The following GFRAL variants were observed in gnomAD, a reference collection of about 807,000 sequenced individuals.
The protein encoded by GFRAL is GDNF family receptor alpha-like.
In GFRAL, 36 loss-of-function variants were observed where a neutral mutation model predicts 45.4. That is an observed-to-expected ratio of 0.79 (90% confidence interval 0.61 to 1.05). The LOEUF (loss-of-function observed/expected upper bound fraction) is 1.05. GFRAL is among the 50% of genes least tolerant of loss of function. The pLI is 0.00. For synonymous variants in GFRAL, 166 were observed against 154.1 expected, an observed-to-expected ratio of 1.08 and a Z score of -0.57; for missense variants, 507 against 467.5, an observed-to-expected ratio of 1.08 and a Z score of -0.78.
intron 6 of GFRAL, among the ~76,000 whole-genome samples, chr6:55,370,026 T>C (rs1178730341): frequency 6.6e-6 from 1 of 152,226 alleles, no homozygotes; most frequent in Non-Finnish European, 1.5e-5. Flanking sequence ...ATCTGAGTGA[T>C]GTAAAGAGCA....
chr6:55,377,888 G>T (rs149292446), intron 6 of GFRAL, among the ~76,000 whole-genome samples: 72 of 152,124 alleles, frequency 4.7e-4, no homozygotes, highest in Non-Finnish European at 9.7e-4. Flanking sequence ...AAGGAGATGG[G>T]GTGTCAAGAG....
At chr6:55,395,173 A>ATAT (rs35935725) in intron 6 of GFRAL, among the ~76,000 whole-genome samples, 115 of 103,554 alleles carry the variant, frequency 1.1e-3, no homozygotes, top group Non-Finnish European at 1.4e-3. Context: ...AAAAAAAAAA[A>ATAT]AAATATATAT....
intron 6 of GFRAL, among the ~76,000 whole-genome samples, chr6:55,363,884 G>C (rs1768315682): frequency 6.6e-6 from 1 of 151,342 alleles, no homozygotes; most frequent in Non-Finnish European, 1.5e-5. Flanking sequence ...TGTGAATAAT[G>C]TCGCAATAAA....
At chr6:55,400,013 A>G (rs1768875305) in intron 8 of GFRAL, among the ~76,000 whole-genome samples, 1 of 152,182 alleles carries the variant, frequency 6.6e-6, no homozygotes, top group Non-Finnish European at 1.5e-5. Flanking sequence ...GCTGGAATGT[A>G]GTAATGCTCC....
At chr6:55,331,336 A>G (rs1376186241) in intron 1 of GFRAL, among the ~76,000 whole-genome samples, 1 of 152,198 alleles carries the variant, frequency 6.6e-6, no homozygotes, top group Non-Finnish European at 1.5e-5. Context: ...GCAAAGGAAG[A>G]GTTTCAAAAA....
chr6:55,399,167 G>T lies in GFRAL; in HGVS notation c.953-13G>T, dbSNP rs749066157. The T allele has an allele frequency of 1.4e-6, 2 of 1,414,622 alleles. No homozygotes were observed. The highest frequency in any genetic ancestry group is 2.6e-5 in the South Asian group (2 of 77,194). The allele number at this position is 1,414,622 out of a possible 1,614,324, so 87.6% of individuals were successfully genotyped here. ...GATATGTAACTAATCTCATTTTTAT[G>T]ATTTTCTTTCAGATTATCCAACCCT... On this transcript the variant is annotated splice_polypyrimidine_tract_variant and intron_variant, in intron 6 of 8. Coordinates refer to ENST00000340465, the MANE Select transcript of GFRAL (RefSeq NM_207410.2).
Position 55,359,078 on chromosome 6 carries a change from C to A in GFRAL, c.892C>A (p.Gln298Lys), listed in dbSNP as rs757702371. The A allele has an allele frequency of 7.2e-5, 116 of 1,612,572 alleles. No individual in the cohort carries two copies. The highest frequency in any genetic ancestry group is 8.9e-5 in the Non-Finnish European group (105 of 1,179,130). The change falls in exon 6 of 9, where the codon CAA (glutamine) becomes AAA (lysine). Residue 298 changes from glutamine to lysine, a missense_variant. Physicochemically the swap from Gln to Lys is moderately conservative, Grantham distance 53 (BLOSUM62 1). Coordinates refer to ENST00000340465, the MANE Select transcript of GFRAL (RefSeq NM_207410.2). ...QVQCTCRTIT[Q>K]SEESLCKIFQ... ...GCAATGTACCTGTAGGACCATTACACAAAGTGAGGAATCTTTGTGTAAGAT... is the reference window on the plus strand; with the variant it reads ...GCAATGTACCTGTAGGACCATTACAAAAAGTGAGGAATCTTTGTGTAAGAT...
chr6:55,366,229 G>C (rs1768361009), intron 6 of GFRAL, among the ~76,000 whole-genome samples: 2 of 152,016 alleles, frequency 1.3e-5, no homozygotes, highest in African/African-American at 4.8e-5. Context: ...TATTTGTGTA[G>C]AGGTGTTTGT....
At chr6:55,343,798 A>G (rs1284763096) in intron 3 of GFRAL, among the ~76,000 whole-genome samples, 1 of 152,200 alleles carries the variant, frequency 6.6e-6, no homozygotes, top group Non-Finnish European at 1.5e-5. Flanking sequence ...AATAAAGAAG[A>G]AAAAAGAGAA....
intron 8 of GFRAL, among the ~76,000 whole-genome samples, chr6:55,400,801 A>G (rs1347224698): frequency 6.6e-6 from 1 of 152,218 alleles, no homozygotes; most frequent in African/African-American, 2.4e-5. Flanking sequence ...TTTGGTTTTA[A>G]GTACTTGAGA....
At chr6:55,368,697 T>G (rs976830508) in intron 6 of GFRAL, among the ~76,000 whole-genome samples, 1 of 152,144 alleles carries the variant, frequency 6.6e-6, no homozygotes, top group Non-Finnish European at 1.5e-5. Flanking sequence ...TGGAGTACCC[T>G]GCCCTGTGAG....
intron 6 of GFRAL, among the ~76,000 whole-genome samples, chr6:55,390,339 C>CA (rs1395265765): frequency 6.6e-6 from 1 of 152,148 alleles, no homozygotes; most frequent in East Asian, 1.9e-4. Context: ...CAGTGGCATA[C>CA]AAAAACAAAG....
At chr6:55,334,819 T>C (rs1767871552) in intron 3 of GFRAL, among the ~76,000 whole-genome samples, 1 of 152,218 alleles carries the variant, frequency 6.6e-6, no homozygotes, top group African/African-American at 2.4e-5. Flanking sequence ...CAGTTTATTT[T>C]GTTTAACATA....
chr6:55,358,236 G>A (rs375336369), intron 5 of GFRAL, among the ~76,000 whole-genome samples: 6 of 151,446 alleles, frequency 4.0e-5, no homozygotes, highest in African/African-American at 9.7e-5. Flanking sequence ...AGCAATTTTC[G>A]GTGACAAACA....
At chr6:55,381,593 A>G (rs1401763948) in intron 6 of GFRAL, among the ~76,000 whole-genome samples, 1 of 151,962 alleles carries the variant, frequency 6.6e-6, no homozygotes, top group Non-Finnish European at 1.5e-5. Flanking sequence ...GAGGTGCATG[A>G]TACATAGTCT....
chr6:55,395,882 A>C (rs1361212333), intron 6 of GFRAL, among the ~76,000 whole-genome samples: 2 of 152,124 alleles, frequency 1.3e-5, no homozygotes, highest in East Asian at 3.8e-4. Context: ...GATTGAAATT[A>C]ATCTTGATTT....
At chr6:55,334,504 A>T (rs1218444107) in intron 3 of GFRAL, among the ~76,000 whole-genome samples, 1 of 152,160 alleles carries the variant, frequency 6.6e-6, no homozygotes, top group Non-Finnish European at 1.5e-5. Context: ...ATTCCAAGAG[A>T]TGTGCGAGAT....
intron 6 of GFRAL, among the ~76,000 whole-genome samples, chr6:55,364,369 T>C (rs1768328089): frequency 6.7e-6 from 1 of 149,186 alleles, no homozygotes; most frequent in Admixed American, 6.7e-5. Context: ...TTGCGAAAAT[T>C]TTCTCCCATT....
chr6:55,355,921 C>T (rs1447702418), intron 5 of GFRAL, among the ~76,000 whole-genome samples: 1 of 151,858 alleles, frequency 6.6e-6, no homozygotes, highest in Non-Finnish European at 1.5e-5. Context: ...GGTTTTGAGG[C>T]TTTTATCATG....
Sources: allele counts gnomAD v4.1 joint callset (sites outside exome capture counted in the v4.1 genomes callset), GRCh38; gene constraint gnomAD v4.1.1; transcripts MANE v1.5; gene names NCBI Gene and HGNC (gene_info 2026-07-23, HGNC 2026-07-21).